The following GRIK2 variants were observed in gnomAD, a reference collection of about 807,000 sequenced individuals.
The protein encoded by GRIK2 is glutamate receptor ionotropic, kainate 2.
GRIK2 carries 32 observed loss-of-function variants against 100.3 expected under a neutral mutation model. That is an observed-to-expected ratio of 0.32 (90% confidence interval 0.24 to 0.43). GRIK2 has a LOEUF of 0.43. GRIK2 is among the 20% of genes least tolerant of loss of function. The pLI, the probability that GRIK2 is intolerant of heterozygous loss-of-function variation, is 1.00. For synonymous variants in GRIK2, 417 were observed against 389.4 expected (o/e 1.07, Z -0.83); for missense variants, 843 against 1,114.9 (o/e 0.76, Z 3.47).
intron 12 of GRIK2, among the ~76,000 whole-genome samples, chr6:101,907,122 C>A (rs143717817): frequency 2.0e-5 from 3 of 151,582 alleles, no homozygotes; most frequent in African/African-American, 7.2e-5. Context: ...ATCAACTGTA[C>A]AACATGTTAA....
At chr6:101,408,658 TC>T (rs1194725211) in intron 2 of GRIK2, among the ~76,000 whole-genome samples, 1 of 152,044 alleles carries the variant, frequency 6.6e-6, no homozygotes, top group Non-Finnish European at 1.5e-5. Context: ...GGAGGGTCAG[TC>T]TTTTCACTCT....
chr6:101,405,262 C>A (rs141475208), intron 2 of GRIK2, among the ~76,000 whole-genome samples: 3 of 151,942 alleles, frequency 2.0e-5, no homozygotes, highest in Non-Finnish European at 4.4e-5. Flanking sequence ...GTTAAATAAG[C>A]TTTCTTCAAA....
chr6:101,876,681 TA>T (rs1450277438), intron 11 of GRIK2, among the ~76,000 whole-genome samples: 2 of 151,906 alleles, frequency 1.3e-5, no homozygotes, highest in African/African-American at 4.8e-5. Flanking sequence ...TTTGTTAAAA[TA>T]GTCAATTTCT....
At chr6:101,774,191 C>T (rs1365026331) in intron 7 of GRIK2, among the ~76,000 whole-genome samples, 2 of 152,016 alleles carry the variant, frequency 1.3e-5, no homozygotes, top group African/African-American at 4.8e-5. Flanking sequence ...GGTTTGCATA[C>T]ACCTAGGTCC....
At chr6:101,982,637 G>C (rs950939537) in intron 14 of GRIK2, among the ~76,000 whole-genome samples, 9 of 149,870 alleles carry the variant, frequency 6.0e-5, no homozygotes, top group African/African-American at 2.2e-4. Context: ...AGAATTAGCT[G>C]CTACTACCCC....
chr6:101,517,469 C>T lies in GRIK2; in HGVS notation c.116-104480C>T, dbSNP rs148704783. Among the ~76,000 whole-genome samples, 62 of 152,122 alleles carry T rather than the reference C, an allele frequency of 4.1e-4. No individual in the cohort carries two copies. The East Asian group carries it at 5.2e-3, about 13-fold the overall frequency. On this transcript the variant is annotated intron_variant, in intron 2 of 16. Coordinates refer to ENST00000369134, the MANE Select transcript of GRIK2 (RefSeq NM_021956.5). ...GAAATGCGGTGGTCCTCACAGTAGA[C>T]GATCAAGAATTTTTACCTGTATCTT...
intron 7 of GRIK2, among the ~76,000 whole-genome samples, chr6:101,717,318 C>T (rs1260629711): frequency 2.0e-5 from 3 of 147,936 alleles, no homozygotes; most frequent in Admixed American, 6.8e-5. Flanking sequence ...CATTCTTTCT[C>T]CAATAATAAC....
intron 2 of GRIK2, among the ~76,000 whole-genome samples, chr6:101,409,610 T>C (rs1775783041): frequency 6.6e-6 from 1 of 152,108 alleles, no homozygotes; most frequent in Non-Finnish European, 1.5e-5. Flanking sequence ...TGAATTTTAC[T>C]CTTGATTTTG....
intron 2 of GRIK2, among the ~76,000 whole-genome samples, chr6:101,481,269 A>C (rs184122121): frequency 1.0e-3 from 158 of 152,296 alleles, no homozygotes; most frequent in Non-Finnish European, 2.0e-3. Flanking sequence ...TGGTATATGA[A>C]ATTAATGCAG....
intron 15 of GRIK2, among the ~76,000 whole-genome samples, chr6:102,046,019 C>A (rs1007820252): frequency 3.3e-5 from 5 of 151,876 alleles, no homozygotes; most frequent in Non-Finnish European, 5.9e-5. Context: ...GTATTCCATG[C>A]ACATGGTAAC....
intron 5 of GRIK2, among the ~76,000 whole-genome samples, chr6:101,682,088 T>C (rs1389950716): frequency 6.6e-6 from 1 of 152,218 alleles, no homozygotes; most frequent in African/African-American, 2.4e-5. Flanking sequence ...TTACATTTCC[T>C]TCATTAATGC....
At chr6:101,956,104 G>C (rs1270682610) in intron 14 of GRIK2, among the ~76,000 whole-genome samples, 1 of 151,874 alleles carries the variant, frequency 6.6e-6, no homozygotes, top group African/African-American at 2.4e-5. Context: ...TTTTTATTCA[G>C]CTAATAATAT....
Position 101,489,694 on chromosome 6 carries a change from C to T in GRIK2, c.115+90302C>T, listed in dbSNP as rs1773006128. 2.1e-5 allele frequency among the ~76,000 whole-genome samples: 3 copies of T among 145,926 alleles called. 1 individual carries two copies. Among genetic ancestry groups the T allele is most frequent in the South Asian group, 4.3e-4 (2 of 4,612 alleles). ...AAGTAGTGTTCCTCTGTAAAACTCTCATTTTCTAAGTATGTGGTATGATTT... is the reference window on the plus strand; with the variant it reads ...AAGTAGTGTTCCTCTGTAAAACTCTTATTTTCTAAGTATGTGGTATGATTT... On this transcript the variant is annotated intron_variant, in intron 2 of 16. Transcript: ENST00000369134.
At chr6:101,618,647 C>T (rs866625435) in intron 2 of GRIK2, among the ~76,000 whole-genome samples, 18 of 151,626 alleles carry the variant, frequency 1.2e-4, no homozygotes, top group Non-Finnish European at 2.2e-4. Flanking sequence ...TAGTGGCTTC[C>T]TCTGTAATCA....
chr6:101,609,106 G>A (rs1373771384), intron 2 of GRIK2, among the ~76,000 whole-genome samples: 2 of 151,624 alleles, frequency 1.3e-5, no homozygotes, highest in South Asian at 2.1e-4. Context: ...ACTCATATAT[G>A]TACATTATTT....
At chr6:101,532,008 A>C (rs1366764310) in intron 2 of GRIK2, among the ~76,000 whole-genome samples, 1 of 151,954 alleles carries the variant, frequency 6.6e-6, no homozygotes, top group Non-Finnish European at 1.5e-5. Flanking sequence ...AATTGTCTTT[A>C]TAAAACCTAA....
intron 16 of GRIK2, among the ~76,000 whole-genome samples, chr6:102,064,631 C>G (rs2253370): frequency 6.6e-6 from 1 of 150,692 alleles, no homozygotes; most frequent in African/African-American, 2.4e-5. Flanking sequence ...TTTGTCTCTA[C>G]TTAATGATAA....
rs78258757 is a variant in GRIK2 at position 101,852,943 on chromosome 6, C to T, written c.1318-6344C>T. Among the ~76,000 whole-genome samples the T allele has an allele frequency of 6.6e-3, 1,002 of 152,088 alleles. 9 individuals carry two copies. Among genetic ancestry groups the T allele is most frequent in the African/African-American group, 0.023 (961 of 41,484 alleles). On this transcript the variant is annotated intron_variant, in intron 10 of 16. Transcript: ENST00000369134. Reference sequence around the variant, plus strand: ...GTTACATTTGCAGTACTTTGTGTACCCCTGGGGAATAAAGTTTATATGTGA... The same window carrying T: ...GTTACATTTGCAGTACTTTGTGTACTCCTGGGGAATAAAGTTTATATGTGA...
At chr6:101,457,588 A>T (rs1201440085) in intron 2 of GRIK2, among the ~76,000 whole-genome samples, 1 of 152,140 alleles carries the variant, frequency 6.6e-6, no homozygotes, top group Non-Finnish European at 1.5e-5. Context: ...TCTAAAAATA[A>T]ATGTTCATTT....
Sources: gnomAD v4.1 joint callset for allele counts (sites outside exome capture counted in the v4.1 genomes callset) on GRCh38, gnomAD v4.1.1 for gene constraint, MANE v1.5 for transcripts, NCBI Gene and HGNC (gene_info 2026-07-23, HGNC 2026-07-21) for gene names.